GXYLT2: variants seen among roughly 807,000 people sequenced by gnomAD.
GXYLT2 encodes the protein glucoside xylosyltransferase 2, also known as glycosyltransferase 8 domain containing 4.
In GXYLT2, 53 loss-of-function variants were observed where a neutral mutation model predicts 45.8. The observed-to-expected ratio is 1.16, with a 90% CI of 0.93 to 1.46. GXYLT2 has a LOEUF of 1.46. GXYLT2 is among the 40% of genes most tolerant of loss of function. The pLI, the probability that GXYLT2 is intolerant of heterozygous loss-of-function variation, is 0.00. For missense variants in GXYLT2, 551 were observed against 544.4 expected (o/e 1.01, Z -0.12); for synonymous variants, 219 against 214.2 (o/e 1.02, Z -0.19).
chr3:72,918,701 T>C (rs2102184), intron 2 of GXYLT2, among the ~76,000 whole-genome samples: 39,650 of 151,848 alleles, frequency 0.26, 9,974 homozygotes, highest in African/African-American at 0.67. Flanking sequence ...GTAGTGCGCG[T>C]CTACTCGGGA....
chr3:72,948,961 C>T (rs1710463252), intron 3 of GXYLT2, among the ~76,000 whole-genome samples: 1 of 151,976 alleles, frequency 6.6e-6, no homozygotes, highest in African/African-American at 2.4e-5. Context: ...GTCATGGTGC[C>T]TTGGACTTCG....
intron 2 of GXYLT2, among the ~76,000 whole-genome samples, chr3:72,917,406 A>G (rs1197031971): frequency 1.3e-5 from 2 of 152,148 alleles, no homozygotes; most frequent in African/African-American, 4.8e-5. Flanking sequence ...GATCTGTGCA[A>G]TTATACTGGG....
intron 3 of GXYLT2, among the ~76,000 whole-genome samples, chr3:72,928,785 C>CA (rs10688804): frequency 0.71 from 106,644 of 150,220 alleles, 37,876 homozygotes; most frequent in East Asian, 0.86. Context: ...GAAATAACTC[C>CA]AAAAAAAAAC....
intron 1 of GXYLT2, among the ~76,000 whole-genome samples, chr3:72,896,703 G>C (rs1458131696): frequency 6.6e-6 from 1 of 152,102 alleles, no homozygotes; most frequent in Non-Finnish European, 1.5e-5. Flanking sequence ...ACAAAAATTA[G>C]CCGGGCATGG....
intron 5 of GXYLT2, among the ~76,000 whole-genome samples, chr3:72,960,929 A>C (rs1188489679): frequency 6.6e-6 from 1 of 152,226 alleles, no homozygotes; most frequent in Non-Finnish European, 1.5e-5. Context: ...TGCACATAAA[A>C]CCTGTAGCAC....
At chr3:72,974,547 T>A (rs1447962081) in intron 6 of GXYLT2, among the ~76,000 whole-genome samples, 2 of 152,212 alleles carry the variant, frequency 1.3e-5, no homozygotes, top group Non-Finnish European at 2.9e-5. Context: ...GACTTTCCTG[T>A]CCTTAGAGAC....
At chr3:72,937,253 T>TA (rs1250986716) in intron 3 of GXYLT2, among the ~76,000 whole-genome samples, 2 of 152,266 alleles carry the variant, frequency 1.3e-5, no homozygotes, top group African/African-American at 2.4e-5. Flanking sequence ...TTGCATTTAG[T>TA]AAAAACAAGT....
intron 3 of GXYLT2, among the ~76,000 whole-genome samples, chr3:72,950,188 C>T (rs1167420171): frequency 6.6e-6 from 1 of 152,032 alleles, no homozygotes; most frequent in African/African-American, 2.4e-5. Flanking sequence ...CAGCTGGGCA[C>T]AGTGGCTTAC....
At chr3:72,959,930 C>T (rs113629214) in intron 5 of GXYLT2, among the ~76,000 whole-genome samples, 7,031 of 150,854 alleles carry the variant, frequency 0.047, 520 homozygotes, top group African/African-American at 0.16. Flanking sequence ...CCACCATGAC[C>T]GGTTTTGTGT....
intron 2 of GXYLT2, among the ~76,000 whole-genome samples, chr3:72,920,978 C>T (rs538181883): frequency 6.6e-5 from 10 of 151,698 alleles, no homozygotes; most frequent in African/African-American, 2.2e-4. Context: ...CCCACCACCA[C>T]GCCAGCTAAT....
rs147100131 is a variant in GXYLT2 at position 72,940,563 on chromosome 3, G to T, written c.601-14535G>T. On this transcript the variant is annotated intron_variant, in intron 3 of 6. Coordinates refer to ENST00000389617, the MANE Select transcript of GXYLT2 (RefSeq NM_001080393.2). ...GGGGTTTGGAGTGGTGGTGTGGTGAGGATAAGGACAGGTAAAGAGCAACTT... is the reference window on the plus strand; with the variant it reads ...GGGGTTTGGAGTGGTGGTGTGGTGATGATAAGGACAGGTAAAGAGCAACTT... Among the ~76,000 whole-genome samples the T allele has an allele frequency of 3.6e-3, 543 of 152,240 alleles. 3 individuals carry two copies. The highest frequency in any genetic ancestry group is 5.4e-3 in the Non-Finnish European group (367 of 68,008).
chr3:72,931,993 T>C (rs543525672), intron 3 of GXYLT2, among the ~76,000 whole-genome samples: 1 of 151,776 alleles, frequency 6.6e-6, no homozygotes, highest in African/African-American at 2.4e-5. Context: ...AAAGCAATAC[T>C]ATGAATAATT....
intron 3 of GXYLT2, among the ~76,000 whole-genome samples, chr3:72,941,719 T>A (rs1710303106): frequency 6.6e-6 from 1 of 152,074 alleles, no homozygotes; most frequent in African/African-American, 2.4e-5. Flanking sequence ...CATGTTTTTT[T>A]AAATAAATAT....
At chr3:72,908,794 G>T (rs1030936245) in intron 2 of GXYLT2, among the ~76,000 whole-genome samples, 32 of 152,188 alleles carry the variant, frequency 2.1e-4, no homozygotes, top group Non-Finnish European at 4.4e-4. Context: ...GTAGAGTACA[G>T]TGGTGCAATC....
rs35968011 is a variant in GXYLT2 at position 72,951,548 on chromosome 3, G to A, written c.601-3550G>A. 9.9e-3 allele frequency among the ~76,000 whole-genome samples: 1,500 copies of A among 152,220 alleles called. 18 individuals carry two copies. The highest frequency in any genetic ancestry group is 0.034 in the African/African-American group (1,420 of 41,522). ...GGGTGGGTGGTAAACTGAGGAACTTGTCTGAAGTCACGAGGGTATTACCTC... is the reference window on the plus strand; with the variant it reads ...GGGTGGGTGGTAAACTGAGGAACTTATCTGAAGTCACGAGGGTATTACCTC... On this transcript the variant is annotated intron_variant, in intron 3 of 6. Coordinates refer to ENST00000389617, the MANE Select transcript of GXYLT2 (RefSeq NM_001080393.2).
chr3:72,888,334 C>G lies in GXYLT2; in HGVS notation c.101C>G (p.Ala34Gly). The change falls in exon 1 of 7, where the codon GCG becomes GGG. Residue 34 changes from alanine (A) to glycine (G), a missense_variant. Transcript: ENST00000389617. ...CGCGCTGGCCGCGCTGAGCCCCCAGCGCTGCCCGCGCGCCCCGCGTCCGCC... is the reference window on the plus strand; with the variant it reads ...CGCGCTGGCCGCGCTGAGCCCCCAGGGCTGCCCGCGCGCCCCGCGTCCGCC... ...SLRAGRAEPP[A>G]LPARPASAPQ... The G allele has an allele frequency of 1.0e-6, 1 of 984,152 alleles. No homozygotes were observed. The highest frequency in any genetic ancestry group is 1.2e-6 in the Non-Finnish European group (1 of 830,808). The allele number at this position is 984,152 out of a possible 1,614,324, so 61.0% of individuals were successfully genotyped here.
At chr3:72,932,842 A>T (rs1432995430) in intron 3 of GXYLT2, among the ~76,000 whole-genome samples, 2 of 152,216 alleles carry the variant, frequency 1.3e-5, no homozygotes, top group Non-Finnish European at 2.9e-5. Context: ...TTAATTTGAG[A>T]TATTATTATA....
At chr3:72,974,887 G>A (rs1711062502) in intron 6 of GXYLT2, 90 bp from the exon 7 acceptor site, 13 of 978,726 alleles carry the variant, frequency 1.3e-5, no homozygotes, top group East Asian at 9.8e-5. Context: ...TGGGCTTATC[G>A]TAATTCCTGT....
chr3:72,918,157 G>A (rs549146132), intron 2 of GXYLT2, among the ~76,000 whole-genome samples: 2 of 152,118 alleles, frequency 1.3e-5, no homozygotes, highest in Non-Finnish European at 2.9e-5. Context: ...TTTACTTATG[G>A]GCACTGAGAT....
Sources: gnomAD v4.1 joint callset for allele counts (sites outside exome capture counted in the v4.1 genomes callset) on GRCh38, gnomAD v4.1.1 for gene constraint, MANE v1.5 for transcripts, NCBI Gene and HGNC (gene_info 2026-07-23, HGNC 2026-07-21) for gene names.